The following CNTNAP2 variants were observed in gnomAD, a reference collection of about 807,000 sequenced individuals.
CNTNAP2 encodes contactin-associated protein-like 2.
CNTNAP2 carries 98 observed loss-of-function variants against 155.2 expected under a neutral mutation model. The observed-to-expected ratio is 0.63, with a 90% CI of 0.54 to 0.75. The LOEUF (loss-of-function observed/expected upper bound fraction) is 0.75. Ranked by LOEUF, CNTNAP2 falls within the 30% of genes least tolerant of loss-of-function variation. The pLI is 0.00. For missense variants in CNTNAP2, 1,727 were observed against 1,688.1 expected, an observed-to-expected ratio of 1.02 and a Z score of -0.40; for synonymous variants, 651 against 631.2, an observed-to-expected ratio of 1.03 and a Z score of -0.47.
chr7:146,413,813 A>T (rs1419500723), intron 1 of CNTNAP2, among the ~76,000 whole-genome samples: 2 of 152,286 alleles, frequency 1.3e-5, no homozygotes, highest in East Asian at 3.9e-4. Context: ...AAAGGAAAGC[A>T]CTTTTTACCT....
chr7:148,384,291 G>A (rs567332239), intron 22 of CNTNAP2, among the ~76,000 whole-genome samples: 2 of 152,224 alleles, frequency 1.3e-5, no homozygotes, highest in East Asian at 1.9e-4. Context: ...ATAGAGATCC[G>A]TCTCCTGGCT....
In CNTNAP2 at chr7:146,364,495, A is replaced by G. The variant is rs190974557; in HGVS notation, c.97+247522A>G. On this transcript the variant is annotated intron_variant, in intron 1 of 23. Transcript: ENST00000361727. ...AGTATACATTTTAAAGTAAAAATAT[A>G]TGAGTATTAATTATAAACTTTATTC... 3.9e-5 allele frequency among the ~76,000 whole-genome samples: 6 copies of G among 152,320 alleles called. No homozygotes were observed. In the East Asian group the frequency reaches 1.2e-3, roughly 29 times the overall value.
intron 1 of CNTNAP2, among the ~76,000 whole-genome samples, chr7:146,237,291 A>G (rs1450980007): frequency 6.6e-6 from 1 of 152,218 alleles, no homozygotes; most frequent in African/African-American, 2.4e-5. Flanking sequence ...ATGAATAAAT[A>G]GCACCTCAGT....
intron 4 of CNTNAP2, among the ~76,000 whole-genome samples, chr7:147,068,939 T>C (rs1488643534): frequency 1.3e-5 from 2 of 152,260 alleles, no homozygotes; most frequent in Non-Finnish European, 2.9e-5. Flanking sequence ...CTCATGGTTC[T>C]GCAGGCTGTA....
intron 21 of CNTNAP2, among the ~76,000 whole-genome samples, chr7:148,316,554 C>T (rs181899204): frequency 2.6e-5 from 4 of 152,226 alleles, no homozygotes; most frequent in East Asian, 3.9e-4. Flanking sequence ...AAATAATACC[C>T]GCACAGGCCT....
At chr7:146,859,855 A>G (rs1238937106) in intron 3 of CNTNAP2, among the ~76,000 whole-genome samples, 2 of 152,158 alleles carry the variant, frequency 1.3e-5, no homozygotes, top group African/African-American at 4.8e-5. Flanking sequence ...AAGATAGAGT[A>G]AAAGGAAATG....
At chr7:148,068,204 T>A (rs920886778) in intron 15 of CNTNAP2, among the ~76,000 whole-genome samples, 1 of 151,842 alleles carries the variant, frequency 6.6e-6, no homozygotes, top group African/African-American at 2.4e-5. Context: ...GAAAAATTCA[T>A]ATTTGGTCAA....
chr7:147,084,657 C>T (rs936884019), intron 4 of CNTNAP2, among the ~76,000 whole-genome samples: 2 of 145,964 alleles, frequency 1.4e-5, no homozygotes, highest in South Asian at 2.1e-4. Context: ...ATACCATATA[C>T]TATATAATAT....
chr7:146,569,298 C>T (rs1186406549), intron 1 of CNTNAP2, among the ~76,000 whole-genome samples: 1 of 152,126 alleles, frequency 6.6e-6, no homozygotes, highest in Non-Finnish European at 1.5e-5. Context: ...GGATTACAGG[C>T]GTGAGCCGCC....
chr7:147,829,172 G>A (rs1029767059), intron 13 of CNTNAP2, among the ~76,000 whole-genome samples: 7 of 152,060 alleles, frequency 4.6e-5, no homozygotes, highest in African/African-American at 1.7e-4. Flanking sequence ...TTTTCAGGTG[G>A]CCCTCTACCA....
intron 10 of CNTNAP2, among the ~76,000 whole-genome samples, chr7:147,461,282 A>G (rs1049506889): frequency 6.6e-6 from 1 of 152,222 alleles, no homozygotes; most frequent in African/African-American, 2.4e-5. Context: ...CTGAGACACA[A>G]ACCCCTAAAA....
Position 148,172,619 on chromosome 7 carries a change from G to C in CNTNAP2, c.3010+141G>C, listed in dbSNP as rs1794842819. ...AGAATTTTTCTCTCAACTTAGGTAG[G>C]AATTTTCCAACCAAAATCATTTCCT... On this transcript the variant is annotated intron_variant, in intron 18 of 23. Transcript: ENST00000361727. 3.6e-6 allele frequency: 3 copies of C among 831,054 alleles called. No individual in the cohort carries two copies. In the African/African-American group the frequency reaches 5.0e-5, roughly 14 times the overall value. 51.5% of individuals were successfully genotyped at this position (831,054 alleles called of 1,614,324 possible). A position where few individuals can be genotyped will look rare whatever the true frequency, so the allele number is the denominator to read the frequency against.
chr7:147,942,334 A>G (rs774871088), intron 14 of CNTNAP2, among the ~76,000 whole-genome samples: 7 of 146,854 alleles, frequency 4.8e-5, no homozygotes, highest in Non-Finnish European at 7.6e-5. Context: ...ACATTGAAAT[A>G]GTTAAGTTCG....
At chr7:146,852,531 A>G (rs1156486420) in intron 3 of CNTNAP2, among the ~76,000 whole-genome samples, 1 of 152,154 alleles carries the variant, frequency 6.6e-6, no homozygotes, top group Non-Finnish European at 1.5e-5. Context: ...TTCAAACTCC[A>G]TACAGTAGTT....
At chr7:147,856,799 T>C (rs994878359) in intron 13 of CNTNAP2, among the ~76,000 whole-genome samples, 4 of 152,170 alleles carry the variant, frequency 2.6e-5, no homozygotes, top group Non-Finnish European at 5.9e-5. Context: ...TCAGGAAATT[T>C]TGGGGGGAGT....
chr7:147,723,676 A>G (rs1455341038), intron 13 of CNTNAP2, among the ~76,000 whole-genome samples: 2 of 151,922 alleles, frequency 1.3e-5, no homozygotes, highest in Non-Finnish European at 2.9e-5. Flanking sequence ...AAATATTGCC[A>G]GCTTTTCATA....
At chr7:147,390,663 G>C (rs1056380132) in intron 9 of CNTNAP2, among the ~76,000 whole-genome samples, 1 of 152,058 alleles carries the variant, frequency 6.6e-6, no homozygotes, top group Non-Finnish European at 1.5e-5. Flanking sequence ...TGGAGTAAGG[G>C]ATCAAAAGAC....
intron 1 of CNTNAP2, among the ~76,000 whole-genome samples, chr7:146,133,264 G>GT (rs1168563159): frequency 2.6e-5 from 4 of 151,902 alleles, no homozygotes; most frequent in Non-Finnish European, 5.9e-5. Flanking sequence ...GGAGTTGTTT[G>GT]TTTTTTTCTT....
chr7:147,868,856 A>G (rs569467791), intron 13 of CNTNAP2, among the ~76,000 whole-genome samples: 2 of 152,248 alleles, frequency 1.3e-5, no homozygotes, highest in Admixed American at 6.5e-5. Flanking sequence ...GAAGTGTCCT[A>G]TTTTTCCAGG....
Sources: gnomAD v4.1 joint callset for allele counts (sites outside exome capture counted in the v4.1 genomes callset) on GRCh38, gnomAD v4.1.1 for gene constraint, MANE v1.5 for transcripts, NCBI Gene and HGNC (gene_info 2026-07-23, HGNC 2026-07-21) for gene names.